The following RELN variants were observed in gnomAD, a reference collection of about 807,000 sequenced individuals.
RELN encodes reelin.
A neutral mutation model predicts 427.6 loss-of-function variants in RELN; 108 were observed. That is an observed-to-expected ratio of 0.25 (90% confidence interval 0.22 to 0.30). The LOEUF (loss-of-function observed/expected upper bound fraction) is 0.30. Ranked by LOEUF, RELN falls within the 10% of genes least tolerant of loss-of-function variation. The pLI is 1.00. For missense variants in RELN, 3,715 were observed against 4,302.8 expected (o/e 0.86, Z 3.82); for synonymous variants, 1,524 against 1,513.4 (o/e 1.01, Z -0.16).
chr7:103,595,779 C>G (rs1480563223), intron 25 of RELN, among the ~76,000 whole-genome samples: 1 of 151,748 alleles, frequency 6.6e-6, no homozygotes, highest in African/African-American at 2.4e-5. Context: ...TTTAATAATA[C>G]TTATATAAAA....
intron 1 of RELN, among the ~76,000 whole-genome samples, chr7:103,987,324 T>C (rs951328916): frequency 2.6e-5 from 4 of 152,196 alleles, no homozygotes; most frequent in African/African-American, 7.2e-5. Context: ...CTACTCTATG[T>C]TATCCATTCC....
chr7:103,854,268 C>G (rs2116472322), intron 2 of RELN, among the ~76,000 whole-genome samples: 1 of 152,248 alleles, frequency 6.6e-6, no homozygotes, highest in East Asian at 1.9e-4. Flanking sequence ...ACTTTAGTCA[C>G]CATTACTCAT....
chr7:103,859,444 C>T (rs1794021435), intron 2 of RELN, among the ~76,000 whole-genome samples: 1 of 152,120 alleles, frequency 6.6e-6, no homozygotes, highest in African/African-American at 2.4e-5. Flanking sequence ...CAGGCACCCA[C>T]CACCACGCCT....
At chr7:103,770,907 C>T (rs1306397050) in intron 4 of RELN, among the ~76,000 whole-genome samples, 3 of 143,292 alleles carry the variant, frequency 2.1e-5, no homozygotes, top group Non-Finnish European at 3.0e-5. Flanking sequence ...AATTGCCAAT[C>T]GCTTACTTTT....
At chr7:103,895,599 G>C (rs1563076305) in intron 2 of RELN, among the ~76,000 whole-genome samples, 1 of 152,086 alleles carries the variant, frequency 6.6e-6, no homozygotes. Context: ...GCTACATCAT[G>C]AAAATGGTCC....
intron 1 of RELN, among the ~76,000 whole-genome samples, chr7:103,977,403 G>A (rs971991573): frequency 6.6e-6 from 1 of 151,308 alleles, no homozygotes; most frequent in Non-Finnish European, 1.5e-5. Context: ...CTTCCTGTAC[G>A]AGGAGAGGTC....
At chr7:103,927,447 T>G (rs1795770435) in intron 1 of RELN, among the ~76,000 whole-genome samples, 1 of 152,210 alleles carries the variant, frequency 6.6e-6, no homozygotes, top group African/African-American at 2.4e-5. Flanking sequence ...CTAGCACAGA[T>G]AGTTGCTCTA....
chr7:103,497,723 CTG>C, intron 55 of RELN, 95 bp downstream of exon 55: 1 of 977,206 alleles, frequency 1.0e-6, no homozygotes, highest in Non-Finnish European at 1.6e-6. Context: ...ACAATTCAAA[CTG>C]TGAAGTCAGC....
intron 6 of RELN, among the ~76,000 whole-genome samples, chr7:103,741,975 G>A (rs138265290): frequency 1.8e-3 from 274 of 152,238 alleles, no homozygotes; most frequent in African/African-American, 6.3e-3. Context: ...CTCCTCAAGT[G>A]GGTCCCTCAC....
At chr7:103,695,644 T>C (rs1267791349) in intron 10 of RELN, among the ~76,000 whole-genome samples, 2 of 152,076 alleles carry the variant, frequency 1.3e-5, no homozygotes, top group Non-Finnish European at 2.9e-5. Context: ...AGAGGGTACA[T>C]TTATGCCATA....
At chr7:103,527,083 C>T (rs937490937) in intron 46 of RELN, among the ~76,000 whole-genome samples, 10 of 152,042 alleles carry the variant, frequency 6.6e-5, no homozygotes, top group Middle Eastern at 6.8e-3. Context: ...TAGTACGGTT[C>T]CCCTCACTGG....
At chr7:103,475,160 T>C (rs1176742398) in intron 64 of RELN, among the ~76,000 whole-genome samples, 1 of 152,212 alleles carries the variant, frequency 6.6e-6, no homozygotes, top group African/African-American at 2.4e-5. Flanking sequence ...CATCACTTCC[T>C]AGATTCTACG....
At chr7:103,704,585 C>G (rs1450756698) in intron 8 of RELN, among the ~76,000 whole-genome samples, 1 of 152,032 alleles carries the variant, frequency 6.6e-6, no homozygotes, top group Admixed American at 6.6e-5. Context: ...GAGTCCTCCA[C>G]TCTTCCTCCT....
chr7:103,498,268 G>T lies in RELN; in HGVS notation c.8668-16C>A, dbSNP rs372267122. On this transcript the variant is annotated splice_polypyrimidine_tract_variant and intron_variant, in intron 53 of 64. Coordinates refer to ENST00000428762, the MANE Select transcript of RELN (RefSeq NM_005045.4). The stretch of plus-strand genomic sequence containing the variant: ...TCAGGAAAGTCTGGAAATAAAATAA[G>T]CCAGATGTGGTTAAAAAAACAATTT... The T allele has an allele frequency of 3.1e-6, 5 of 1,609,870 alleles. No individual in the cohort carries two copies. In the South Asian group the frequency reaches 4.4e-5, roughly 14 times the overall value.
At position 103,977,310 on chromosome 7, in the gene RELN, C is replaced by CAAAAAAAAAA. The variant is rs201026012; in HGVS notation, c.226+11811_226+11820dup. On this transcript the variant is annotated intron_variant, in intron 1 of 64. Coordinates refer to ENST00000428762, the MANE Select transcript of RELN (RefSeq NM_005045.4). ...TGGGTGACAGAGTGAGACTCTGTCT[C>CAAAAAAAAAA]AAAAAAAAAAAAAAAAAAAAAAAAA... 8.6e-4 allele frequency among the ~76,000 whole-genome samples: 76 copies of CAAAAAAAAAA among 88,260 alleles called. 1 individual carries two copies. The highest frequency in any genetic ancestry group is 3.8e-3 in the African/African-American group (73 of 19,274). 57.9% of individuals were successfully genotyped at this position (88,260 alleles called of 152,430 possible).
At chr7:103,639,544 T>C (rs1832655283) in intron 17 of RELN, among the ~76,000 whole-genome samples, 1 of 151,750 alleles carries the variant, frequency 6.6e-6, no homozygotes, top group South Asian at 2.1e-4. Context: ...GGATTACAGA[T>C]GCACGCCACC....
At chr7:103,733,560 A>C (rs1790411430) in intron 6 of RELN, among the ~76,000 whole-genome samples, 1 of 147,594 alleles carries the variant, frequency 6.8e-6, no homozygotes. Context: ...ACAATGACAG[A>C]CTGGATTAAG....
At chr7:103,592,828 A>G (rs1478261678) in intron 27 of RELN, among the ~76,000 whole-genome samples, 1 of 152,198 alleles carries the variant, frequency 6.6e-6, no homozygotes, top group Non-Finnish European at 1.5e-5. Flanking sequence ...ACAAATGAAT[A>G]TAGATTCATA....
intron 22 of RELN, among the ~76,000 whole-genome samples, chr7:103,608,147 C>G (rs1831862871): frequency 6.6e-6 from 1 of 152,188 alleles, no homozygotes; most frequent in Non-Finnish European, 1.5e-5. Flanking sequence ...AAACTGCATT[C>G]CCTTTCCCCA....
Sources: allele counts gnomAD v4.1 joint callset (sites outside exome capture counted in the v4.1 genomes callset), GRCh38; gene constraint gnomAD v4.1.1; transcripts MANE v1.5; gene names NCBI Gene and HGNC (gene_info 2026-07-23, HGNC 2026-07-21).